The following EXOC2 variants were observed in gnomAD, a reference collection of about 807,000 sequenced individuals.
The protein encoded by EXOC2 is exocyst complex component 2, also known as SEC5-like 1.
In EXOC2, 70 loss-of-function variants were observed where a neutral mutation model predicts 131.8. The observed-to-expected ratio is 0.53, with a 90% CI of 0.44 to 0.65. The LOEUF is 0.65. Ranked by LOEUF, EXOC2 falls within the 30% of genes least tolerant of loss-of-function variation. EXOC2 has a pLI of 0.00. For missense variants in EXOC2, 923 were observed against 1,108.6 expected (o/e 0.83, Z 2.38); for synonymous variants, 411 against 398.4 (o/e 1.03, Z -0.38).
chr6:586,448 T>C (rs1289301729), intron 11 of EXOC2, among the ~76,000 whole-genome samples: 1 of 152,242 alleles, frequency 6.6e-6, no homozygotes, highest in African/African-American at 2.4e-5. Flanking sequence ...TTATTTACAT[T>C]GCACATATAA....
intron 1 of EXOC2, among the ~76,000 whole-genome samples, chr6:649,598 G>A (rs1237411955): frequency 1.3e-5 from 2 of 152,232 alleles, no homozygotes; most frequent in African/African-American, 4.8e-5. Flanking sequence ...CCCGAATGGG[G>A]ATAACCAGAA....
chr6:673,788 T>A (rs1348791715), intron 1 of EXOC2, among the ~76,000 whole-genome samples: 2 of 152,122 alleles, frequency 1.3e-5, no homozygotes, highest in African/African-American at 4.8e-5. Context: ...AATATAATAA[T>A]TAAAAAGTAT....
intron 23 of EXOC2, among the ~76,000 whole-genome samples, chr6:529,460 T>A (rs376749642): frequency 2.0e-5 from 3 of 152,260 alleles, no homozygotes; most frequent in East Asian, 3.9e-4. Context: ...TCGGTAACAA[T>A]CGGAGATTTC....
chr6:605,209 G>A (rs1760334291), intron 7 of EXOC2, among the ~76,000 whole-genome samples: 1 of 152,214 alleles, frequency 6.6e-6, no homozygotes. Flanking sequence ...TGCACAGTGT[G>A]CAGGGCTATG....
At chr6:631,731 T>A (rs1431951274) in intron 3 of EXOC2, among the ~76,000 whole-genome samples, 1 of 152,144 alleles carries the variant, frequency 6.6e-6, no homozygotes, top group Non-Finnish European at 1.5e-5. Context: ...GTACAACAAG[T>A]TCCTGCTTTA....
At chr6:582,421 C>G (rs1415559046) in intron 11 of EXOC2, among the ~76,000 whole-genome samples, 1 of 151,666 alleles carries the variant, frequency 6.6e-6, no homozygotes, top group Non-Finnish European at 1.5e-5. Flanking sequence ...CAGCCTCAGA[C>G]TCTCAGAAGG....
chr6:673,252 C>CAAAAAAAAAAAAAAAAAA (rs56189394), intron 1 of EXOC2, among the ~76,000 whole-genome samples: 26 of 64,264 alleles, frequency 4.0e-4, no homozygotes, highest in African/African-American at 9.8e-4. Flanking sequence ...ACTCCATAGC[C>CAAAAAAAAAAAAAAAAAA]AAAAAAAAAA....
intron 1 of EXOC2, among the ~76,000 whole-genome samples, chr6:668,328 C>G (rs916112313): frequency 6.6e-6 from 1 of 152,206 alleles, no homozygotes; most frequent in Non-Finnish European, 1.5e-5. Context: ...TTCTGGGTGA[C>G]GCATGCTTTC....
chr6:656,770 G>C (rs867882133), intron 1 of EXOC2: 1 of 1,592,518 alleles, frequency 6.3e-7, no homozygotes, highest in East Asian at 2.3e-5. Flanking sequence ...GCCCCCTGCC[G>C]CACCTCGCAC....
chr6:488,840 G>C (rs1763251775), intron 27 of EXOC2, 139 bp downstream of exon 27: 1 of 817,154 alleles, frequency 1.2e-6, no homozygotes, highest in South Asian at 2.0e-5. Flanking sequence ...CTATTAAGTA[G>C]GTATATCTGC....
Position 637,710 on chromosome 6 carries a change from C to A in EXOC2, c.109G>T (p.Asp37Tyr). 6.2e-7 allele frequency: 1 copy of A among 1,612,940 alleles called. No homozygotes were observed. The highest frequency in any genetic ancestry group is 1.1e-5 in the South Asian group (1 of 90,852). The stretch of plus-strand genomic sequence containing the variant: ...GGGCCTCTGCCCTTACCTATGAGGT[C>A]GGTGGGGCCAGTCCCCAGATTTTCT... ...RGENLGTGPT[D>Y]LIGLTICGHN... Residue 37 changes from aspartate (D) to tyrosine (Y), a missense_variant, in exon 2 of 28, where the codon GAC becomes TAC. Coordinates refer to ENST00000230449, the MANE Select transcript of EXOC2 (RefSeq NM_018303.6).
At chr6:569,202 A>C (rs1234636726) in intron 13 of EXOC2, among the ~76,000 whole-genome samples, 1 of 152,204 alleles carries the variant, frequency 6.6e-6, no homozygotes, top group Non-Finnish European at 1.5e-5. Context: ...ATTTTTATCT[A>C]AAAATACACT....
chr6:635,019 G>A (rs9502343), intron 2 of EXOC2, among the ~76,000 whole-genome samples: 11,223 of 152,112 alleles, frequency 0.074, 788 homozygotes, highest in South Asian at 0.16. Flanking sequence ...ATTGACAGTA[G>A]GTATTTTGGT....
chr6:595,141 A>C (rs1488042475), intron 10 of EXOC2, among the ~76,000 whole-genome samples: 1 of 152,050 alleles, frequency 6.6e-6, no homozygotes, highest in Admixed American at 6.5e-5. Flanking sequence ...AAGGAGAGGG[A>C]GAAGAATAGG....
At chr6:621,017 T>C (rs1201453941) in intron 4 of EXOC2, among the ~76,000 whole-genome samples, 1 of 152,154 alleles carries the variant, frequency 6.6e-6, no homozygotes, top group Non-Finnish European at 1.5e-5. Context: ...CTGCTTCCTA[T>C]TGCCACTCCT....
rs555777343 is a variant in EXOC2 at position 569,783 on chromosome 6, C to T, written c.1443+2737G>A. On this transcript the variant is annotated intron_variant, in intron 13 of 27. Transcript: ENST00000230449. ...GTTTATAAACATAGACAGGTAGACACGTCATAGGCATATCCAATTCAGCAC... is the reference window on the plus strand; with the variant it reads ...GTTTATAAACATAGACAGGTAGACATGTCATAGGCATATCCAATTCAGCAC... Among the ~76,000 whole-genome samples the T allele has an allele frequency of 7.2e-5, 11 of 152,294 alleles. No individual in the cohort carries two copies. In the South Asian group the frequency reaches 1.2e-3, roughly 17 times the overall value.
At chr6:487,512 T>G (rs1763145693) in intron 27 of EXOC2, among the ~76,000 whole-genome samples, 1 of 152,164 alleles carries the variant, frequency 6.6e-6, no homozygotes, top group Admixed American at 6.5e-5. Flanking sequence ...ATTCAAGCAA[T>G]TCTCCTGCCT....
chr6:549,105 G>A (rs1326796034), intron 22 of EXOC2, 70 bp downstream of exon 22: 21 of 1,292,524 alleles, frequency 1.6e-5, no homozygotes, highest in Non-Finnish European at 1.1e-6. Context: ...GCAGAACACA[G>A]GCTAGGAAAC....
At chr6:558,768 A>G (rs1250092557) in intron 17 of EXOC2, among the ~76,000 whole-genome samples, 1 of 152,112 alleles carries the variant, frequency 6.6e-6, no homozygotes, top group Non-Finnish European at 1.5e-5. Context: ...AGCCGAGATC[A>G]TGCCACTGCA....
Sources: allele counts gnomAD v4.1 joint callset (sites outside exome capture counted in the v4.1 genomes callset), GRCh38; gene constraint gnomAD v4.1.1; transcripts MANE v1.5; gene names NCBI Gene and HGNC (gene_info 2026-07-23, HGNC 2026-07-21).